Variants in FGF14 observed in about 807,000 individuals in gnomAD.
FGF14 encodes the protein fibroblast growth factor homologous factor 4.
Under a neutral mutation model 25.5 loss-of-function variants are expected in FGF14, and 5 were observed. The ratio of observed to expected loss-of-function variants is 0.20; its 90% CI spans 0.10 to 0.41. FGF14 has a LOEUF of 0.41. Ranked by LOEUF, FGF14 falls within the 10% of genes least tolerant of loss-of-function variation. FGF14 has a pLI of 1.00. For synonymous variants in FGF14, 138 were observed against 118.3 expected, an observed-to-expected ratio of 1.17 and a Z score of -1.08; for missense variants, 222 against 320.1, an observed-to-expected ratio of 0.69 and a Z score of 2.34.
chr13:101,958,690 A>G (rs17687714), intron 1 of FGF14, among the ~76,000 whole-genome samples: 15,413 of 152,294 alleles, frequency 0.1, 914 homozygotes, highest in Admixed American at 0.2. Context: ...AGCCAGCCTC[A>G]CACTCAGATA....
chr13:102,342,352 T>C (rs1481114032), intron 1 of FGF14, among the ~76,000 whole-genome samples: 1 of 152,174 alleles, frequency 6.6e-6, no homozygotes, highest in African/African-American at 2.4e-5. Flanking sequence ...ATGCTTTGCA[T>C]GGACTCAGGG....
intron 1 of FGF14, among the ~76,000 whole-genome samples, chr13:102,322,134 T>C (rs750269248): frequency 6.6e-6 from 1 of 152,188 alleles, no homozygotes; most frequent in Non-Finnish European, 1.5e-5. Flanking sequence ...TAGGAAGAGC[T>C]TAAGCATTGC....
At position 101,711,611 on chromosome 13, in the gene FGF14, G is replaced by A. The variant is rs568601639; in HGVS notation, c.*11220C>T. The A allele has an allele frequency of 1.3e-5, 2 of 152,226 alleles. No homozygotes were observed. Among genetic ancestry groups the A allele is most frequent in the Non-Finnish European group, 1.5e-5 (1 of 68,038 alleles). The allele number at this position is 152,226 out of a possible 1,614,324, so 9.4% of individuals were successfully genotyped here. On this transcript the variant is annotated 3_prime_UTR_variant, in exon 5 of 5. Transcript: ENST00000376143. ...GGATTGAATCAGAGTGAAGTCTTCA[G>A]TTAACTGTTTGTTTATTGCCTGTGA...
chr13:101,735,808 C>T (rs559815400), intron 3 of FGF14, among the ~76,000 whole-genome samples: 1 of 152,198 alleles, frequency 6.6e-6, no homozygotes, highest in East Asian at 1.9e-4. Context: ...ATCAGCTTCT[C>T]AAAGGTACAT....
intron 1 of FGF14, among the ~76,000 whole-genome samples, chr13:101,961,672 T>C (rs2036866925): frequency 6.6e-6 from 1 of 152,148 alleles, no homozygotes; most frequent in Non-Finnish European, 1.5e-5. Context: ...GCTGTTCTCA[T>C]GATAGTGAAT....
chr13:101,957,604 T>A (rs1406633857), intron 1 of FGF14, among the ~76,000 whole-genome samples: 1 of 152,180 alleles, frequency 6.6e-6, no homozygotes, highest in Non-Finnish European at 1.5e-5. Flanking sequence ...TCCAAGTGAC[T>A]CATATGCATA....
At chr13:101,780,679 C>G (rs967016399) in intron 3 of FGF14, among the ~76,000 whole-genome samples, 41 of 152,086 alleles carry the variant, frequency 2.7e-4, no homozygotes, top group African/African-American at 9.9e-4. Flanking sequence ...TTAAGAAACC[C>G]TTATTAAACC....
chr13:102,192,392 C>A (rs2049161737), intron 1 of FGF14, among the ~76,000 whole-genome samples: 1 of 152,168 alleles, frequency 6.6e-6, no homozygotes, highest in Admixed American at 6.5e-5. Flanking sequence ...GAGTCATTAC[C>A]ACGATCTCTT....
chr13:102,103,093 G>C (rs761856191), intron 1 of FGF14, among the ~76,000 whole-genome samples: 2 of 152,176 alleles, frequency 1.3e-5, no homozygotes, highest in Non-Finnish European at 2.9e-5. Context: ...AAAACCTGAT[G>C]AAATTTGCTG....
chr13:101,749,482 G>A (rs1255962380), intron 3 of FGF14, among the ~76,000 whole-genome samples: 2 of 151,836 alleles, frequency 1.3e-5, no homozygotes, highest in Non-Finnish European at 2.9e-5. Context: ...TACAGAAATA[G>A]AGAATAAAAA....
Position 102,310,651 on chromosome 13 carries a change from T to TTCTCTCTCTCTC in FGF14, c.208+90808_208+90819dup, listed in dbSNP as rs34400050. On this transcript the variant is annotated intron_variant, in intron 1 of 4. Transcript: ENST00000376131. ...TTCCTTTCTGTCTCTCTCTTCCCGT[T>TTCTCTCTCTCTC]TCTCTCTCTCTCTCTCTCTCTCTCT... is the stretch of plus-strand genomic sequence containing the variant. 2.4e-3 allele frequency among the ~76,000 whole-genome samples: 112 copies of TTCTCTCTCTCTC among 45,798 alleles called. 1 individual carries two copies. Among genetic ancestry groups the TTCTCTCTCTCTC allele is most frequent in the African/African-American group, 6.3e-3 (64 of 10,154 alleles). 30.0% of individuals were successfully genotyped at this position (45,798 alleles called of 152,430 possible). A position where few individuals can be genotyped will look rare whatever the true frequency, so the allele number is the denominator to read the frequency against.
chr13:101,749,188 G>C (rs1033999559), intron 3 of FGF14, among the ~76,000 whole-genome samples: 1 of 152,054 alleles, frequency 6.6e-6, no homozygotes, highest in African/African-American at 2.4e-5. Context: ...GGTAGGTGAA[G>C]AGTTTCAGAT....
intron 3 of FGF14, among the ~76,000 whole-genome samples, chr13:101,836,779 A>G (rs9554830): frequency 2.0e-5 from 3 of 152,020 alleles, no homozygotes; most frequent in Admixed American, 2.0e-4. Flanking sequence ...ATTAAGTAGA[A>G]CCAGCAAGAG....
chr13:101,773,410 A>AT (rs373532957), intron 3 of FGF14, among the ~76,000 whole-genome samples: 50 of 149,636 alleles, frequency 3.3e-4, no homozygotes, highest in Middle Eastern at 3.5e-3. Context: ...ACTTGTGGGC[A>AT]TTTTTTTTTT....
Position 101,720,066 on chromosome 13 carries a change from A to T in FGF14, c.*2765T>A, listed in dbSNP as rs922808209. 2.0e-5 allele frequency: 3 copies of T among 152,154 alleles called. No homozygotes were observed. Among genetic ancestry groups the T allele is most frequent in the African/African-American group, 7.2e-5 (3 of 41,452 alleles). The allele number at this position is 152,154 out of a possible 1,614,324, so 9.4% of individuals were successfully genotyped here. A position where few individuals can be genotyped will look rare whatever the true frequency, so the allele number is the denominator to read the frequency against. ...ATGTTTTTTAATATGCCTTCATATA[A>T]ATATTTTATTCAATATGTTGTATTT... On this transcript the variant is annotated 3_prime_UTR_variant, in exon 5 of 5. Coordinates refer to ENST00000376143, the MANE Select transcript of FGF14 (RefSeq NM_004115.4).
intron 1 of FGF14, among the ~76,000 whole-genome samples, chr13:102,110,390 T>C (rs1252527718): frequency 2.0e-5 from 3 of 152,238 alleles, no homozygotes; most frequent in Admixed American, 1.3e-4. Context: ...GCTACATTTA[T>C]AGAAAGGAAT....
intron 1 of FGF14, among the ~76,000 whole-genome samples, chr13:102,066,407 CAAAAAT>C (rs1430336125): frequency 6.6e-6 from 1 of 152,038 alleles, no homozygotes; most frequent in East Asian, 1.9e-4. Flanking sequence ...ATTAGGCACT[CAAAAAT>C]AAAAGAACCA....
At chr13:101,892,861 G>A (rs1379235460) in intron 1 of FGF14, among the ~76,000 whole-genome samples, 1 of 152,190 alleles carries the variant, frequency 6.6e-6, no homozygotes, top group East Asian at 1.9e-4. Context: ...ACCACGGAAT[G>A]AGGATGGAAA....
chr13:101,780,352 ACTG>A (rs887476906), intron 3 of FGF14, among the ~76,000 whole-genome samples: 6 of 152,126 alleles, frequency 3.9e-5, no homozygotes, highest in Non-Finnish European at 7.4e-5. Context: ...AGCCAGAAAT[ACTG>A]CTGCTGATTT....
Sources: allele counts gnomAD v4.1 joint callset (sites outside exome capture counted in the v4.1 genomes callset), GRCh38; gene constraint gnomAD v4.1.1; transcripts MANE v1.5; gene names NCBI Gene and HGNC (gene_info 2026-07-23, HGNC 2026-07-21).